The following PHACTR4 variants were observed in gnomAD, a reference collection of about 807,000 sequenced individuals.
PHACTR4 encodes phosphatase and actin regulator 4.
A neutral mutation model predicts 72.7 loss-of-function variants in PHACTR4; 51 were observed. The observed-to-expected ratio is 0.70, with a 90% confidence interval of 0.56 to 0.89. The LOEUF (loss-of-function observed/expected upper bound fraction) is 0.89. Ranked by LOEUF, PHACTR4 falls within the 40% of genes least tolerant of loss-of-function variation. The pLI is 0.00. For missense variants in PHACTR4, 731 were observed against 861.8 expected (o/e 0.85, Z 1.90); for synonymous variants, 255 against 302.5 (o/e 0.84, Z 1.63).
Position 28,459,135 on chromosome 1 carries a change from G to A in PHACTR4, c.67G>A (p.Glu23Lys). The change falls in exon 3 of 14, where the codon GAA (glutamate) becomes AAA (lysine). Residue 23 changes from glutamate (E) to lysine (K), a missense_variant. By Grantham distance (56) the Glu-to-Lys change is moderately conservative. Transcript: ENST00000373839. ...GCCAGGCATGGTCCTGGACAGTGTG[G>A]AAGCAGGAGACACAACACCTCCTAC... is the stretch of plus-strand genomic sequence containing the variant. The part of the protein sequence containing the change: ...TEPGMVLDSV[E>K]AGDTTPPTKR... 1 of 1,613,998 alleles carries A rather than the reference G, an allele frequency of 6.2e-7. No homozygotes were observed.
intron 2 of PHACTR4, among the ~76,000 whole-genome samples, chr1:28,449,072 G>A (rs1415627483): frequency 6.6e-6 from 1 of 152,118 alleles, no homozygotes; most frequent in Non-Finnish European, 1.5e-5. Context: ...GAGCCCAGGA[G>A]TCCAAGGTTG....
intron 2 of PHACTR4, among the ~76,000 whole-genome samples, chr1:28,435,446 G>A (rs1316419296): frequency 6.6e-6 from 1 of 152,074 alleles, no homozygotes; most frequent in Non-Finnish European, 1.5e-5. Flanking sequence ...TGTATTTTTA[G>A]TAGAGCCAGG....
intron 2 of PHACTR4, among the ~76,000 whole-genome samples, chr1:28,417,967 GAC>G (rs1265512037): frequency 1.5e-5 from 2 of 136,084 alleles, no homozygotes; most frequent in Non-Finnish European, 3.2e-5. Flanking sequence ...AAAAAAAAAA[GAC>G]ACAAGAATCT....
chr1:28,477,763 A>G (rs1292925964), intron 8 of PHACTR4, among the ~76,000 whole-genome samples: 6 of 151,774 alleles, frequency 4.0e-5, no homozygotes, highest in African/African-American at 1.2e-4. Flanking sequence ...TCTCAGCTCA[A>G]TGGAACCTCC....
At chr1:28,476,763 T>C (rs1659945495) in intron 8 of PHACTR4, among the ~76,000 whole-genome samples, 1 of 143,658 alleles carries the variant, frequency 7.0e-6, no homozygotes, top group Non-Finnish European at 1.5e-5. Context: ...TTAGGTTGCC[T>C]AGCCTGTTCT....
intron 1 of PHACTR4, among the ~76,000 whole-genome samples, chr1:28,391,006 G>C (rs1178696589): frequency 2.0e-5 from 3 of 149,262 alleles, no homozygotes; most frequent in African/African-American, 7.5e-5. Context: ...GAGGTGGGAA[G>C]ATCTCACCTG....
At chr1:28,481,697 G>A (rs1660291440) in intron 9 of PHACTR4, among the ~76,000 whole-genome samples, 2 of 151,680 alleles carry the variant, frequency 1.3e-5, no homozygotes, top group East Asian at 2.0e-4. Flanking sequence ...GGCTGAGATC[G>A]GAGAATTGCT....
Position 28,379,152 on chromosome 1 carries a change from G to A in PHACTR4, c.-39+9327G>A, listed in dbSNP as rs187024435. 2.9e-3 allele frequency among the ~76,000 whole-genome samples: 441 copies of A among 152,122 alleles called. 8 individuals are homozygous for A. Among genetic ancestry groups the A allele is most frequent in the Non-Finnish European group, 3.3e-3 (224 of 68,012 alleles). On this transcript the variant is annotated intron_variant, in intron 1 of 13. Coordinates refer to ENST00000373839, the MANE Select transcript of PHACTR4 (RefSeq NM_001048183.3). ...GGGTTTTTTGTAGCGATGGGATTTC[G>A]CCACATTGCCTAGGCTGGTCTTGAA...
At chr1:28,372,488 CAGTG>C (rs1481465003) in intron 1 of PHACTR4, among the ~76,000 whole-genome samples, 1 of 152,122 alleles carries the variant, frequency 6.6e-6, no homozygotes, top group African/African-American at 2.4e-5. Flanking sequence ...TTTAATCCAG[CAGTG>C]AGTGAGGGTC....
Position 28,480,541 on chromosome 1 carries a change from G to T in PHACTR4, c.1697G>T (p.Trp566Leu). Reference protein sequence around the residue: ...PSEPELNLNSWPCKSKEEWNE... With the variant: ...PSEPELNLNSLPCKSKEEWNE... ...GAACCAGAGTTGAACCTGAATTCTT[G>T]GCCTTGTAAAAGCAAGGAGGAGTGG... Residue 566 changes from tryptophan (W) to leucine (L), a missense_variant, in exon 9 of 14, where the codon TGG becomes TTG. Coordinates refer to ENST00000373839, the MANE Select transcript of PHACTR4 (RefSeq NM_001048183.3). 1 of 1,614,106 alleles carries T rather than the reference G, an allele frequency of 6.2e-7. No homozygotes were observed. Among genetic ancestry groups the T allele is most frequent in the Non-Finnish European group, 8.5e-7 (1 of 1,180,024 alleles).
In PHACTR4 at chr1:28,421,393, G is replaced by T. The variant is rs865999825; in HGVS notation, c.16+13930G>T. 5.2e-3 allele frequency among the ~76,000 whole-genome samples: 745 copies of T among 143,218 alleles called. 5 individuals are homozygous for T. Among genetic ancestry groups the T allele is most frequent in the African/African-American group, 0.018 (693 of 39,020 alleles). The allele number at this position is 143,218 out of a possible 152,430, so 94.0% of individuals were successfully genotyped here. A position where few individuals can be genotyped will look rare whatever the true frequency, so the allele number is the denominator to read the frequency against. ...TCGTTGAAGATTCGTGGGTTTTTTTGTTTTTTTTTTTTTGATTCCTCATCA... is the reference window on the plus strand; with the variant it reads ...TCGTTGAAGATTCGTGGGTTTTTTTTTTTTTTTTTTTTTGATTCCTCATCA... On this transcript the variant is annotated intron_variant, in intron 2 of 13. Transcript: ENST00000373839.
rs139460249 is a variant in PHACTR4 at position 28,418,231 on chromosome 1, G to C, written c.16+10768G>C. Among the ~76,000 whole-genome samples the C allele has an allele frequency of 5.3e-3, 804 of 152,146 alleles. 5 individuals are homozygous for C. The highest frequency in any genetic ancestry group is 0.018 in the African/African-American group (738 of 41,516). On this transcript the variant is annotated intron_variant, in intron 2 of 13. Coordinates refer to ENST00000373839, the MANE Select transcript of PHACTR4 (RefSeq NM_001048183.3). ...CTATCCCAGCACATTGGGAAGCCAA[G>C]GCAGGCAGATCACATGAGGTCAGGA...
At chr1:28,440,205 G>A (rs530213640) in intron 2 of PHACTR4, among the ~76,000 whole-genome samples, 55 of 150,250 alleles carry the variant, frequency 3.7e-4, no homozygotes, top group Non-Finnish European at 7.3e-4. Context: ...GGGAGGCTGA[G>A]GCAGGAGAAT....
chr1:28,388,414 G>A (rs532187216), intron 1 of PHACTR4, among the ~76,000 whole-genome samples: 1 of 152,276 alleles, frequency 6.6e-6, no homozygotes, highest in African/African-American at 2.4e-5. Context: ...AGTCCACGTA[G>A]GTATGGTCAA....
At chr1:28,464,091 G>C (rs1420496255) in intron 4 of PHACTR4, among the ~76,000 whole-genome samples, 1 of 134,210 alleles carries the variant, frequency 7.5e-6, no homozygotes, top group Non-Finnish European at 1.5e-5. Flanking sequence ...TCAGCCTCCC[G>C]AGTAGCTGGG....
chr1:28,402,114 G>A (rs1319166662), intron 1 of PHACTR4, among the ~76,000 whole-genome samples: 1 of 152,072 alleles, frequency 6.6e-6, no homozygotes, highest in Non-Finnish European at 1.5e-5. Flanking sequence ...GTGAGAGAAA[G>A]AGAAGAGTCA....
intron 1 of PHACTR4, among the ~76,000 whole-genome samples, chr1:28,377,215 G>A (rs919027149): frequency 4.6e-5 from 7 of 151,642 alleles, no homozygotes; most frequent in South Asian, 2.1e-4. Context: ...TAGGATTACA[G>A]GCGTGAGCCT....
chr1:28,441,663 C>T (rs745698443), intron 2 of PHACTR4, among the ~76,000 whole-genome samples: 2 of 152,048 alleles, frequency 1.3e-5, no homozygotes, highest in South Asian at 4.1e-4. Context: ...AAATAAAATA[C>T]GTTCATAGGA....
chr1:28,450,632 T>C (rs1024105468), intron 2 of PHACTR4, among the ~76,000 whole-genome samples: 2 of 152,166 alleles, frequency 1.3e-5, no homozygotes, highest in African/African-American at 2.4e-5. Flanking sequence ...TTTGTTTGTT[T>C]GTTTTGAGGC....
Sources: gnomAD v4.1 joint callset for allele counts (sites outside exome capture counted in the v4.1 genomes callset) on GRCh38, gnomAD v4.1.1 for gene constraint, MANE v1.5 for transcripts, NCBI Gene and HGNC (gene_info 2026-07-23, HGNC 2026-07-21) for gene names.